The following KLHL3 variants were observed in gnomAD, a reference collection of about 807,000 sequenced individuals.
KLHL3 encodes kelch-like protein 3.
KLHL3 carries 19 observed loss-of-function variants against 70.5 expected under a neutral mutation model. That is an observed-to-expected ratio of 0.27 (90% CI 0.19 to 0.40). The LOEUF is 0.40. Among genes scored for constraint, KLHL3 ranks in the 10% least tolerant of loss-of-function variants. KLHL3 has a pLI of 1.00. For synonymous variants in KLHL3, 258 were observed against 290.3 expected, an observed-to-expected ratio of 0.89 and a Z score of 1.13; for missense variants, 512 against 771.1, an observed-to-expected ratio of 0.66 and a Z score of 3.98.
intron 1 of KLHL3, among the ~76,000 whole-genome samples, chr5:137,730,659 A>C (rs1753158612): frequency 6.6e-6 from 1 of 152,220 alleles, no homozygotes; most frequent in African/African-American, 2.4e-5. Flanking sequence ...AAAATGTAAA[A>C]CATTTTACAC....
intron 8 of KLHL3, among the ~76,000 whole-genome samples, chr5:137,653,863 G>A (rs770723735): frequency 8.5e-5 from 13 of 152,144 alleles, no homozygotes; most frequent in African/African-American, 1.7e-4. Flanking sequence ...CCACCAACTC[G>A]TGAATGAATA....
intron 3 of KLHL3, among the ~76,000 whole-genome samples, chr5:137,701,932 C>G (rs1458118434): frequency 1.3e-5 from 2 of 152,224 alleles, no homozygotes; most frequent in African/African-American, 4.8e-5. Context: ...TTTCCATCTT[C>G]CACTTACATC....
At chr5:137,684,037 T>G (rs1444024300) in intron 5 of KLHL3, among the ~76,000 whole-genome samples, 1 of 152,132 alleles carries the variant, frequency 6.6e-6, no homozygotes, top group African/African-American at 2.4e-5. Flanking sequence ...GAAAATAGGC[T>G]AGGCTGGTCT....
intron 4 of KLHL3, among the ~76,000 whole-genome samples, chr5:137,694,552 G>A (rs550391880): frequency 1.3e-4 from 20 of 152,288 alleles, no homozygotes; most frequent in African/African-American, 4.3e-4. Flanking sequence ...GTCTCTGCCT[G>A]CTAGTCAAAT....
intron 6 of KLHL3, chr5:137,673,694 T>C (rs967714234): frequency 6.6e-6 from 1 of 152,224 alleles, no homozygotes. Flanking sequence ...TTGGGGGACA[T>C]CTGCTGAGTC....
chr5:137,642,945 A>G (rs914495094), intron 8 of KLHL3, among the ~76,000 whole-genome samples: 7 of 152,202 alleles, frequency 4.6e-5, no homozygotes, highest in African/African-American at 1.7e-4. Flanking sequence ...AGTAGAGGGT[A>G]CATGCATATT....
chr5:137,722,261 G>A (rs1345980113), intron 1 of KLHL3, among the ~76,000 whole-genome samples: 3 of 152,300 alleles, frequency 2.0e-5, no homozygotes, highest in East Asian at 1.9e-4. Context: ...TACGACCAGC[G>A]TGGCAGACCC....
chr5:137,683,414 G>A (rs1477287092), intron 5 of KLHL3, among the ~76,000 whole-genome samples: 1 of 152,214 alleles, frequency 6.6e-6, no homozygotes, highest in Admixed American at 6.5e-5. Context: ...AAACATTTTG[G>A]CAGGGTGAAA....
chr5:137,712,014 C>T (rs1186978736), intron 2 of KLHL3, among the ~76,000 whole-genome samples: 2 of 150,912 alleles, frequency 1.3e-5, no homozygotes, highest in Non-Finnish European at 3.0e-5. Context: ...AAAAAAAAGC[C>T]CGGTGTGGTG....
chr5:137,638,843 C>A, intron 10 of KLHL3, 110 bp downstream of exon 10: 1 of 994,438 alleles, frequency 1.0e-6, no homozygotes, highest in Non-Finnish European at 1.5e-6. Flanking sequence ...GTCCCTGGGG[C>A]AGTAGCTACA....
intron 8 of KLHL3, among the ~76,000 whole-genome samples, chr5:137,652,198 A>G (rs1751218101): frequency 6.6e-6 from 1 of 152,208 alleles, no homozygotes; most frequent in African/African-American, 2.4e-5. Context: ...AAAAAATTGA[A>G]AAATTAAAAA....
At chr5:137,719,745 T>C (rs1752961338) in intron 2 of KLHL3, among the ~76,000 whole-genome samples, 2 of 152,282 alleles carry the variant, frequency 1.3e-5, no homozygotes, top group South Asian at 4.1e-4. Flanking sequence ...CAACCTAAGT[T>C]CAGACCAGTG....
chr5:137,621,818 T>A lies in KLHL3; in HGVS notation c.*280A>T, dbSNP rs1384121314. Reference sequence around the variant, plus strand: ...CACACACACACTCCAGGGTCTGTATTGTCCCTGTAGAAACACCAAAACAAA... The same window carrying A: ...CACACACACACTCCAGGGTCTGTATAGTCCCTGTAGAAACACCAAAACAAA... On this transcript the variant is annotated 3_prime_UTR_variant, in exon 15 of 15. Transcript: ENST00000309755. 1.5e-5 allele frequency: 8 copies of A among 533,858 alleles called. No individual in the cohort carries two copies. In the South Asian group the frequency reaches 2.0e-4, roughly 13 times the overall value. 33.1% of individuals were successfully genotyped at this position (533,858 alleles called of 1,614,324 possible). A position where few individuals can be genotyped will look rare whatever the true frequency, so the allele number is the denominator to read the frequency against.
intron 12 of KLHL3, among the ~76,000 whole-genome samples, chr5:137,633,023 G>C (rs566686644): frequency 6.6e-6 from 1 of 152,242 alleles, no homozygotes; most frequent in South Asian, 2.1e-4. Context: ...GCTCATGCCT[G>C]CAATCCCAGC....
chr5:137,649,260 A>T (rs936502495), intron 8 of KLHL3, among the ~76,000 whole-genome samples: 9 of 152,226 alleles, frequency 5.9e-5, no homozygotes, highest in African/African-American at 1.9e-4. Flanking sequence ...GTATCTAGCA[A>T]ATAAAAGACA....
intron 5 of KLHL3, among the ~76,000 whole-genome samples, chr5:137,678,857 T>C (rs747653034): frequency 1.3e-5 from 2 of 152,114 alleles, no homozygotes; most frequent in Non-Finnish European, 2.9e-5. Context: ...CACCAGCCTA[T>C]TGATATTACT....
At chr5:137,696,646 TTCA>T (rs1432033531) in intron 4 of KLHL3, among the ~76,000 whole-genome samples, 1 of 152,156 alleles carries the variant, frequency 6.6e-6, no homozygotes, top group Admixed American at 6.5e-5. Flanking sequence ...GAAACTAGAA[TTCA>T]TCATAGCCAC....
chr5:137,734,402 T>C (rs1753228588), intron 1 of KLHL3, among the ~76,000 whole-genome samples: 1 of 151,416 alleles, frequency 6.6e-6, no homozygotes, highest in Non-Finnish European at 1.5e-5. Flanking sequence ...GCACAGTCAG[T>C]CCCAGGCTCT....
Position 137,735,602 on chromosome 5 carries a change from C to T in KLHL3, c.14+31G>A, listed in dbSNP as rs778199710. 9 of 1,550,364 alleles carry T rather than the reference C, an allele frequency of 5.8e-6. No individual in the cohort carries two copies. In the East Asian group the frequency reaches 1.6e-4, roughly 27 times the overall value. ...AAGCACACATACACTTACATACACA[C>T]ACAACACAGCACACACTTATACATA... On this transcript the variant is annotated intron_variant, in intron 1 of 14. Coordinates refer to ENST00000309755, the MANE Select transcript of KLHL3 (RefSeq NM_017415.3).
Sources: gnomAD v4.1 joint callset for allele counts (sites outside exome capture counted in the v4.1 genomes callset) on GRCh38, gnomAD v4.1.1 for gene constraint, MANE v1.5 for transcripts, NCBI Gene and HGNC (gene_info 2026-07-23, HGNC 2026-07-21) for gene names.